Variants in REL observed in about 807,000 individuals in gnomAD.
The protein encoded by REL is REL proto-oncogene, NF-kB subunit.
In REL, 15 loss-of-function variants were observed where a neutral mutation model predicts 45.9. The ratio of observed to expected loss-of-function variants is 0.33; its 90% CI spans 0.22 to 0.50. The LOEUF (loss-of-function observed/expected upper bound fraction) is 0.50. REL is among the 20% of genes least tolerant of loss of function. The pLI is 0.98. For synonymous variants in REL, 239 were observed against 242.1 expected, an observed-to-expected ratio of 0.99 and a Z score of 0.12; for missense variants, 601 against 715.2, an observed-to-expected ratio of 0.84 and a Z score of 1.82.
intron 4 of REL, among the ~76,000 whole-genome samples, chr2:60,909,556 T>C (rs1310882783): frequency 6.6e-6 from 1 of 152,076 alleles, no homozygotes; most frequent in East Asian, 1.9e-4. Flanking sequence ...TTTCCAAAAG[T>C]GCTGAGATTA....
intron 4 of REL, among the ~76,000 whole-genome samples, chr2:60,906,857 A>ATG (rs55837992): frequency 2.9e-5 from 4 of 139,892 alleles, no homozygotes; most frequent in South Asian, 2.3e-4. Context: ...GTGTGTATGT[A>ATG]TGTGTGTGTG....
In REL at chr2:60,900,998, A is replaced by T. The variant is rs2103946398; in HGVS notation, c.309A>T (p.Gln103His). 1 of 1,602,176 alleles carries T rather than the reference A, an allele frequency of 6.2e-7. No homozygotes were observed. Among genetic ancestry groups the T allele is most frequent in the East Asian group, 2.2e-5 (1 of 44,700 alleles). Reference protein sequence around the residue: ...FGQERRPLFFQNLGIRCVKKK... With the variant: ...FGQERRPLFFHNLGIRCVKKK... Reference sequence around the variant, plus strand: ...ATTGTTTTTTTCCTGCTAGTTTCCAAAATTTGGGTATTCGATGTGTGAAGA... The same window carrying T: ...ATTGTTTTTTTCCTGCTAGTTTCCATAATTTGGGTATTCGATGTGTGAAGA... The change falls in exon 4 of 10, where the codon CAA becomes CAT. Residue 103 changes from glutamine to histidine, a missense_variant. Transcript: ENST00000394479.
At chr2:60,891,859 T>A (rs751766569) in intron 2 of REL, 34 bp downstream of exon 2, 7 of 1,563,810 alleles carry the variant, frequency 4.5e-6, no homozygotes. Context: ...TATCTCACTA[T>A]TAGTTGCTTC....
intron 3 of REL, among the ~76,000 whole-genome samples, chr2:60,896,084 C>G (rs1249399637): frequency 1.3e-5 from 2 of 151,776 alleles, no homozygotes; most frequent in Non-Finnish European, 2.9e-5. Context: ...CTCACTGCAA[C>G]CTCCACCTCC....
intron 7 of REL, among the ~76,000 whole-genome samples, chr2:60,919,130 C>T (rs1365828633): frequency 1.3e-5 from 2 of 152,218 alleles, no homozygotes; most frequent in Non-Finnish European, 2.9e-5. Context: ...TGTGCACTTA[C>T]CACTCAGAGA....
At chr2:60,894,052 C>T (rs1464312542) in intron 2 of REL, among the ~76,000 whole-genome samples, 1 of 152,146 alleles carries the variant, frequency 6.6e-6, no homozygotes, top group East Asian at 1.9e-4. Flanking sequence ...TATGGTATGA[C>T]AGTACGTTAA....
In REL at chr2:60,921,880, C is replaced by G. The variant is rs1331460538; in HGVS notation, c.1109C>G (p.Ala370Gly). 1 of 1,614,106 alleles carries G rather than the reference C, an allele frequency of 6.2e-7. No individual in the cohort carries two copies. Among genetic ancestry groups the G allele is most frequent in the Non-Finnish European group, 8.5e-7 (1 of 1,180,018 alleles). Reference protein sequence around the residue: ...GPISSGLSHHASMAPLPSSSW... With the variant: ...GPISSGLSHHGSMAPLPSSSW... ...ATCTCAAGTGGATTGTCACATCATG[C>G]CTCAATGGCACCTCTGCCTTCTTCA... The change falls in exon 10 of 10, where the codon GCC (alanine) becomes GGC (glycine). Residue 370 changes from alanine (A) to glycine (G), a missense_variant. Physicochemically the swap from Ala to Gly is moderately conservative, Grantham distance 60. Transcript: ENST00000394479.
intron 3 of REL, 126 bp from the exon 4 acceptor site, chr2:60,900,866 G>A (rs2103946097): frequency 1.3e-6 from 1 of 787,022 alleles, no homozygotes; most frequent in Non-Finnish European, 2.0e-6. Context: ...AGAGCAATTG[G>A]AAGCACGTTC....
intron 4 of REL, among the ~76,000 whole-genome samples, chr2:60,912,685 T>G (rs1243550523): frequency 6.6e-6 from 1 of 152,096 alleles, no homozygotes; most frequent in Admixed American, 6.5e-5. Context: ...ACAAAACTGT[T>G]CAATACACAG....
chr2:60,883,279 GGTTGA>G (rs1230281296), intron 1 of REL, among the ~76,000 whole-genome samples: 1 of 152,200 alleles, frequency 6.6e-6, no homozygotes, highest in Non-Finnish European at 1.5e-5. Flanking sequence ...CTTTTTAAAA[GGTTGA>G]GCAGAACAAT....
In REL at chr2:60,881,868, GC is replaced by G; in HGVS notation, c.10+19del. On this transcript the variant is annotated intron_variant, in intron 1 of 9. Coordinates refer to ENST00000394479, the MANE Select transcript of REL (RefSeq NM_001291746.2). ...GGCCTCCGGTGAGTGTTCATGGGGC[GC>G]GGGCCTGGGCCGGGGGAAAGGAGCT... 6.8e-7 allele frequency: 1 copy of G among 1,460,396 alleles called. No homozygotes were observed. The highest frequency in any genetic ancestry group is 1.5e-5 in the African/African-American group (1 of 68,164). 90.5% of individuals were successfully genotyped at this position (1,460,396 alleles called of 1,614,324 possible). A position where few individuals can be genotyped will look rare whatever the true frequency, so the allele number is the denominator to read the frequency against.
chr2:60,913,494 A>G (rs1443475249), intron 4 of REL, among the ~76,000 whole-genome samples: 1 of 152,140 alleles, frequency 6.6e-6, no homozygotes, highest in African/African-American at 2.4e-5. Context: ...CTGAAATCTG[A>G]TATGTTTCCA....
chr2:60,918,883 C>T (rs890664684), intron 7 of REL, among the ~76,000 whole-genome samples: 9 of 152,018 alleles, frequency 5.9e-5, no homozygotes, highest in South Asian at 2.1e-4. Context: ...CTCCTCCTCC[C>T]GGGTTCAAGC....
chr2:60,885,962 G>A (rs1164937751), intron 1 of REL, among the ~76,000 whole-genome samples: 5 of 152,134 alleles, frequency 3.3e-5, no homozygotes, highest in East Asian at 1.9e-4. Context: ...TTTGAATAAG[G>A]TTCTTTTTTA....
intron 1 of REL, among the ~76,000 whole-genome samples, chr2:60,882,236 C>A (rs893239197): frequency 6.6e-6 from 1 of 152,184 alleles, no homozygotes; most frequent in Admixed American, 6.5e-5. Context: ...CTCTCTCCCC[C>A]TTTTTAGTTT....
At chr2:60,917,253 G>A (rs970423579) in intron 5 of REL, among the ~76,000 whole-genome samples, 2 of 152,070 alleles carry the variant, frequency 1.3e-5, no homozygotes, top group South Asian at 2.1e-4. Context: ...CAGATACATT[G>A]TCATCATCAT....
At position 60,921,805 on chromosome 2, in the gene REL, C is replaced by G. The variant is rs374855045; in HGVS notation, c.1034C>G (p.Pro345Arg). 1.3e-5 allele frequency: 21 copies of G among 1,613,942 alleles called. No homozygotes were observed. The highest frequency in any genetic ancestry group is 1.8e-5 in the Non-Finnish European group (21 of 1,179,912). ...FSHDAVVREM[P>R]TGVSSQAESY... The stretch of plus-strand genomic sequence containing the variant: ...CATGATGCAGTTGTGAGAGAAATGC[C>G]TACAGGGGTTTCAAGTCAAGCAGAA... The change falls in exon 10 of 10, where the codon CCT becomes CGT. Residue 345 changes from proline to arginine, a missense_variant. Transcript: ENST00000394479.
At position 60,925,436 on chromosome 2, in the gene REL, T is replaced by A. The variant is rs1674246095; in HGVS notation, c.*2901T>A. 5.4e-6 allele frequency: 1 copy of A among 186,266 alleles called. No individual in the cohort carries two copies. Among genetic ancestry groups the A allele is most frequent in the African/African-American group, 2.3e-5 (1 of 42,686 alleles). The allele number at this position is 186,266 out of a possible 1,614,324, so 11.5% of individuals were successfully genotyped here. On this transcript the variant is annotated 3_prime_UTR_variant, in exon 10 of 10. Transcript: ENST00000394479. ...ACCATTAATATTCCTCAGAAATTAT[T>A]ATTTCAAAAGGAAATATTTCTGTAT... is the stretch of plus-strand genomic sequence containing the variant.
intron 3 of REL, among the ~76,000 whole-genome samples, chr2:60,896,329 A>G (rs1298061474): frequency 1.3e-5 from 2 of 152,204 alleles, no homozygotes; most frequent in Admixed American, 1.3e-4. Flanking sequence ...GTTTTAAAAC[A>G]ATATGTAAAG....
Sources: allele counts gnomAD v4.1 joint callset (sites outside exome capture counted in the v4.1 genomes callset), GRCh38; gene constraint gnomAD v4.1.1; transcripts MANE v1.5; gene names NCBI Gene and HGNC (gene_info 2026-07-23, HGNC 2026-07-21).